INPP4B: variants seen among roughly 807,000 people sequenced by gnomAD.
INPP4B encodes inositol polyphosphate 4-phosphatase type II.
In INPP4B, 55 loss-of-function variants were observed where a neutral mutation model predicts 122.5. The ratio of observed to expected loss-of-function variants is 0.45; its 90% CI spans 0.36 to 0.56. The LOEUF is 0.56. Ranked by LOEUF, INPP4B falls within the 20% of genes least tolerant of loss-of-function variation. INPP4B has a pLI of 0.00. For missense variants in INPP4B, 1,000 were observed against 1,097.7 expected (o/e 0.91, Z 1.26); for synonymous variants, 403 against 388.7 (o/e 1.04, Z -0.43).
At chr4:142,352,832 C>T (rs940826662) in intron 7 of INPP4B, among the ~76,000 whole-genome samples, 1 of 151,838 alleles carries the variant, frequency 6.6e-6, no homozygotes, top group African/African-American at 2.4e-5. Flanking sequence ...TGAATACAGC[C>T]TGTTGTGTAG....
At chr4:142,790,200 G>A (rs922969699) in intron 1 of INPP4B, among the ~76,000 whole-genome samples, 1 of 152,010 alleles carries the variant, frequency 6.6e-6, no homozygotes, top group Non-Finnish European at 1.5e-5. Flanking sequence ...GAACCCAAAA[G>A]CAAATCCAAT....
chr4:142,064,773 A>G (rs1168373037), intron 25 of INPP4B, among the ~76,000 whole-genome samples: 1 of 152,172 alleles, frequency 6.6e-6, no homozygotes, highest in African/African-American at 2.4e-5. Flanking sequence ...AATTTATGTT[A>G]TAAAATTAAA....
chr4:142,401,460 A>C (rs965819623), intron 7 of INPP4B, among the ~76,000 whole-genome samples: 1 of 152,188 alleles, frequency 6.6e-6, no homozygotes, highest in African/African-American at 2.4e-5. Flanking sequence ...TTTTTGTTCA[A>C]AGAAGTAATA....
rs140644337 is a variant in INPP4B, at chr4:142,212,123, C to G, written c.837-3097G>C. ...CCAGGACAGACAACCCCGTGTACAACTCAGATGTACTTGTACCATCTGAGT... is the reference window on the plus strand; with the variant it reads ...CCAGGACAGACAACCCCGTGTACAAGTCAGATGTACTTGTACCATCTGAGT... On this transcript the variant is annotated intron_variant, in intron 12 of 25. Transcript: ENST00000262992. 5.8e-3 allele frequency among the ~76,000 whole-genome samples: 886 copies of G among 152,222 alleles called. 9 individuals carry two copies. Among genetic ancestry groups the G allele is most frequent in the African/African-American group, 0.021 (854 of 41,540 alleles).
At chr4:142,150,312 C>T (rs903750702) in intron 17 of INPP4B, among the ~76,000 whole-genome samples, 1 of 152,162 alleles carries the variant, frequency 6.6e-6, no homozygotes, top group Non-Finnish European at 1.5e-5. Flanking sequence ...CTTCCAGCCC[C>T]TCCAGATCCT....
chr4:142,335,815 G>A (rs67102237), intron 7 of INPP4B, among the ~76,000 whole-genome samples: 31,908 of 152,130 alleles, frequency 0.21, 4,385 homozygotes, highest in East Asian at 0.46. Flanking sequence ...ACACCAATGT[G>A]TAACCACTGA....
At chr4:142,139,431 C>T (rs370245089) in intron 18 of INPP4B, among the ~76,000 whole-genome samples, 2 of 152,058 alleles carry the variant, frequency 1.3e-5, no homozygotes, top group Admixed American at 6.6e-5. Flanking sequence ...CTCAGCCTCC[C>T]GAGTAGCTGG....
intron 1 of INPP4B, among the ~76,000 whole-genome samples, chr4:142,822,492 T>A (rs982919351): frequency 2.0e-5 from 3 of 152,132 alleles, no homozygotes; most frequent in Non-Finnish European, 4.4e-5. Flanking sequence ...GTGGCAGCAT[T>A]GGATTCTCAT....
At chr4:142,148,462 C>T (rs1430461102) in intron 17 of INPP4B, among the ~76,000 whole-genome samples, 2 of 152,148 alleles carry the variant, frequency 1.3e-5, no homozygotes. Context: ...GATCCACCCA[C>T]CTCAGCCTCC....
rs571236619 is a variant in INPP4B at position 142,650,472 on chromosome 4, A to T, written c.-191+75367T>A. On this transcript the variant is annotated intron_variant, in intron 2 of 25. Coordinates refer to ENST00000262992, the MANE Select transcript of INPP4B (RefSeq NM_001101669.3). ...TCAGTGTGCTGTATTCAGGAGACCC[A>T]TCTCAGGTACAGAGACACATATAGG... Among the ~76,000 whole-genome samples the T allele has an allele frequency of 2.7e-4, 41 of 152,226 alleles. No individual in the cohort carries two copies. The South Asian group carries it at 6.9e-3, about 25-fold the overall frequency.
intron 5 of INPP4B, among the ~76,000 whole-genome samples, chr4:142,413,626 G>T (rs1384375664): frequency 1.3e-5 from 2 of 152,184 alleles, no homozygotes; most frequent in African/African-American, 4.8e-5. Context: ...GTACCAGGAA[G>T]TATTGGCCTT....
At chr4:142,482,200 A>G (rs1402228102) in intron 2 of INPP4B, among the ~76,000 whole-genome samples, 1 of 151,874 alleles carries the variant, frequency 6.6e-6, no homozygotes, top group Non-Finnish European at 1.5e-5. Flanking sequence ...ACTAGAGAAC[A>G]CTCTTGTCCT....
intron 2 of INPP4B, among the ~76,000 whole-genome samples, chr4:142,560,188 C>A (rs1483675914): frequency 2.0e-5 from 3 of 152,198 alleles, no homozygotes; most frequent in Admixed American, 1.3e-4. Flanking sequence ...ATGCTAACAG[C>A]CTGCGCTTTC....
intron 2 of INPP4B, among the ~76,000 whole-genome samples, chr4:142,503,775 A>G (rs1823677675): frequency 6.6e-6 from 1 of 152,096 alleles, no homozygotes; most frequent in African/African-American, 2.4e-5. Flanking sequence ...CCAAATCAAT[A>G]TGCACTGGTA....
rs111617643 is a variant in INPP4B, at chr4:142,253,424, G to A, written c.688+7068C>T. 2.2e-4 allele frequency among the ~76,000 whole-genome samples: 34 copies of A among 152,320 alleles called. 1 individual carries two copies. Among genetic ancestry groups the A allele is most frequent in the African/African-American group, 2.2e-4 (9 of 41,574 alleles). On this transcript the variant is annotated intron_variant, in intron 11 of 25. Coordinates refer to ENST00000262992, the MANE Select transcript of INPP4B (RefSeq NM_001101669.3). ...GCGATGCAGAAGACAGGTGATTTCCGCATTTCCATCTGAGGTACCGGGTTC... is the reference window on the plus strand; with the variant it reads ...GCGATGCAGAAGACAGGTGATTTCCACATTTCCATCTGAGGTACCGGGTTC...
intron 2 of INPP4B, among the ~76,000 whole-genome samples, chr4:142,667,831 T>TGAA (rs1756386448): frequency 6.6e-6 from 1 of 152,218 alleles, no homozygotes; most frequent in African/African-American, 2.4e-5. Flanking sequence ...AACTAAGTGC[T>TGAA]ATGATGATGA....
intron 10 of INPP4B, among the ~76,000 whole-genome samples, chr4:142,264,530 T>C (rs1741855036): frequency 6.6e-6 from 1 of 152,240 alleles, no homozygotes; most frequent in Non-Finnish European, 1.5e-5. Context: ...TCTATGTGTG[T>C]ATATATTGAA....
chr4:142,356,585 A>G (rs150404973), intron 7 of INPP4B, among the ~76,000 whole-genome samples: 112 of 151,954 alleles, frequency 7.4e-4, no homozygotes, highest in African/African-American at 2.6e-3. Context: ...AAGTAGTACA[A>G]ATAACATATT....
intron 25 of INPP4B, among the ~76,000 whole-genome samples, chr4:142,078,362 A>G (rs868447187): frequency 2.2e-4 from 34 of 152,050 alleles, no homozygotes; most frequent in African/African-American, 8.2e-4. Context: ...TGTCACAATC[A>G]AGTGATAACT....
Sources: gnomAD v4.1 joint callset for allele counts (sites outside exome capture counted in the v4.1 genomes callset) on GRCh38, gnomAD v4.1.1 for gene constraint, MANE v1.5 for transcripts, NCBI Gene and HGNC (gene_info 2026-07-23, HGNC 2026-07-21) for gene names.